Variants in PCDHGA7 observed in about 807,000 individuals in gnomAD.
The protein encoded by PCDHGA7 is protocadherin gamma-A7.
Under a neutral mutation model 58.3 loss-of-function variants are expected in PCDHGA7, and 44 were observed. The observed-to-expected ratio is 0.75, with a 90% CI of 0.59 to 0.97. PCDHGA7 has a LOEUF of 0.97. Among genes scored for constraint, PCDHGA7 ranks in the 50% least tolerant of loss-of-function variants. The pLI, the probability that PCDHGA7 is intolerant of heterozygous loss-of-function variation, is 0.00. For synonymous variants in PCDHGA7, 516 were observed against 504.2 expected (o/e 1.02, Z -0.31); for missense variants, 1,266 against 1,188.7 (o/e 1.06, Z -0.96).
intron 1 of PCDHGA7, chr5:141,403,406 T>A: frequency 6.2e-7 from 1 of 1,614,058 alleles, no homozygotes; most frequent in South Asian, 1.1e-5. Flanking sequence ...TGGAGCACGT[T>A]ATCCACTTCC....
intron 1 of PCDHGA7, chr5:141,394,696 C>A: frequency 6.2e-7 from 1 of 1,613,046 alleles, no homozygotes; most frequent in Non-Finnish European, 8.5e-7. Flanking sequence ...GAGGTGCGCA[C>A]GGCGCGAGCC....
At position 141,476,001 on chromosome 5, in the gene PCDHGA7, C is replaced by G; in HGVS notation, c.2425-18806C>G. The G allele has an allele frequency of 8.1e-7, 1 of 1,235,348 alleles. No homozygotes were observed. Among genetic ancestry groups the G allele is most frequent in the Non-Finnish European group, 1.1e-6 (1 of 894,008 alleles). 76.5% of individuals were successfully genotyped at this position (1,235,348 alleles called of 1,614,324 possible). On this transcript the variant is annotated intron_variant, in intron 1 of 3. Transcript: ENST00000518325. The surrounding 1 kb of genome is among the most constrained non-coding windows in gnomAD (Gnocchi z 7.6). ...CAGCCGGCGAGCAAATCAACGGCATCCAGAAAGCCATGTCGGACTCGGCGC... is the reference window on the plus strand; with the variant it reads ...CAGCCGGCGAGCAAATCAACGGCATGCAGAAAGCCATGTCGGACTCGGCGC...
chr5:141,459,311 T>A (rs1298312167), intron 1 of PCDHGA7, among the ~76,000 whole-genome samples: 1 of 152,250 alleles, frequency 6.6e-6, no homozygotes, highest in Non-Finnish European at 1.5e-5. Flanking sequence ...TATACTATTT[T>A]GTATCCATCT....
At chr5:141,478,904 T>G in intron 1 of PCDHGA7, 1 of 958,800 alleles carries the variant, frequency 1.0e-6, no homozygotes, top group Non-Finnish European at 1.5e-6. Context: ...AGGAATAAGC[T>G]GCTGGATACC....
chr5:141,392,242 G>A (rs1294476832), intron 1 of PCDHGA7: 1 of 152,134 alleles, frequency 6.6e-6, no homozygotes, highest in African/African-American at 2.4e-5. Context: ...TTAGTTATTT[G>A]TTAGTATATA....
At chr5:141,462,217 C>T (rs1469685983) in intron 1 of PCDHGA7, among the ~76,000 whole-genome samples, 1 of 152,216 alleles carries the variant, frequency 6.6e-6, no homozygotes, top group South Asian at 2.1e-4. Flanking sequence ...GCCTCGGCCT[C>T]CCAAAGTGCA....
rs552017054 is a variant in PCDHGA7 at position 141,425,594 on chromosome 5, A to G, written c.2424+40271A>G. On this transcript the variant is annotated intron_variant, in intron 1 of 3. Transcript: ENST00000518325. ...GGGTTTGGCTAACTTTATTCTGAAT[A>G]TGCCCTATATAGCTTTCAGTGCTCC... 2.6e-5 allele frequency among the ~76,000 whole-genome samples: 4 copies of G among 152,370 alleles called. No homozygotes were observed. In the South Asian group the frequency reaches 8.3e-4, roughly 32 times the overall value.
At chr5:141,389,404 C>T in intron 1 of PCDHGA7, 3 of 1,613,616 alleles carry the variant, frequency 1.9e-6, no homozygotes, top group Non-Finnish European at 2.5e-6. Context: ...TCCATAAGCG[C>T]GGAGAGCGGG....
chr5:141,415,067 G>A, intron 1 of PCDHGA7: 1 of 1,613,398 alleles, frequency 6.2e-7, no homozygotes, highest in Non-Finnish European at 8.5e-7. Context: ...GGCGAGGTGC[G>A]CACGGCGCGA....
At chr5:141,394,790 G>T (rs776824024) in intron 1 of PCDHGA7, 1 of 1,613,718 alleles carries the variant, frequency 6.2e-7, no homozygotes, top group Non-Finnish European at 8.5e-7. Context: ...CCACTGTCAC[G>T]CTCACCGTAG....
intron 1 of PCDHGA7, chr5:141,393,352 T>G: frequency 1.2e-6 from 2 of 1,613,956 alleles, no homozygotes; most frequent in African/African-American, 2.7e-5. Context: ...CACTTCTCCC[T>G]GGACGTGCAG....
rs757410882 is a variant in PCDHGA7 at position 141,421,504 on chromosome 5, C to T, written c.2424+36181C>T. 8 of 1,614,062 alleles carry T rather than the reference C, an allele frequency of 5.0e-6. No homozygotes were observed. The highest frequency in any genetic ancestry group is 3.3e-5 in the South Asian group (3 of 91,088). ...CTTGATCACGGCAGGCAGGATAGACCGGGAGGAGCTCTGTGAGACGGTGTC... is the reference window on the plus strand; with the variant it reads ...CTTGATCACGGCAGGCAGGATAGACTGGGAGGAGCTCTGTGAGACGGTGTC... On this transcript the variant is annotated intron_variant, in intron 1 of 3. Transcript: ENST00000518325.
Position 141,431,529 on chromosome 5 carries a change from T to C in PCDHGA7, c.2424+46206T>C, listed in dbSNP as rs145601545. 166 of 1,614,074 alleles carry C rather than the reference T, an allele frequency of 1.0e-4. No individual in the cohort carries two copies. In the African/African-American group the frequency reaches 2.0e-3, roughly 19 times the overall value. On this transcript the variant is annotated intron_variant, in intron 1 of 3. Coordinates refer to ENST00000518325, the MANE Select transcript of PCDHGA7 (RefSeq NM_018920.4). The surrounding 1 kb of genome is among the most constrained non-coding windows in gnomAD (Gnocchi z 4.8). The stretch of plus-strand genomic sequence containing the variant: ...GCGAGCGTTCCGGAGAATCTGGCCT[T>C]GGGCACGCAGCTGCTTGTAGTCAAC...
At position 141,409,702 on chromosome 5, in the gene PCDHGA7, G is replaced by T. The variant is rs545411022; in HGVS notation, c.2424+24379G>T. The T allele has an allele frequency of 1.9e-6, 3 of 1,613,226 alleles. No individual in the cohort carries two copies. The East Asian group carries it at 6.7e-5, about 36-fold the overall frequency. ...TGGCGAGTGACCTAGAGCCCCTGGC[G>T]GTGTCGTCATACGTGTCAGTGAGCG... On this transcript the variant is annotated intron_variant, in intron 1 of 3. Coordinates refer to ENST00000518325, the MANE Select transcript of PCDHGA7 (RefSeq NM_018920.4).
intron 1 of PCDHGA7, among the ~76,000 whole-genome samples, chr5:141,453,076 G>A (rs2098755408): frequency 1.3e-5 from 2 of 151,984 alleles, no homozygotes; most frequent in Admixed American, 6.6e-5. Flanking sequence ...CCACACTCTG[G>A]TTGATTAGTA....
chr5:141,476,929 G>T lies in PCDHGA7; in HGVS notation c.2425-17878G>T, dbSNP rs1375082202. 6.2e-7 allele frequency: 1 copy of T among 1,614,136 alleles called. No homozygotes were observed. Among genetic ancestry groups the T allele is most frequent in the Admixed American group, 1.7e-5 (1 of 60,034 alleles). On this transcript the variant is annotated intron_variant, in intron 1 of 3. Transcript: ENST00000518325. This position sits in a 1 kb window ranked among gnomAD's most constrained non-coding sequence, Gnocchi z 7.6. ...TGGTACAAGTCCTTGCAACGGATCT[G>T]GATGAAGGCCCCAACGGTGAAATTA...
rs1419377760 is a variant in PCDHGA7 at position 141,418,687 on chromosome 5, GATCACTT to G, written c.2424+33367_2424+33373del. ...ACCAGGACGAGGGCATCAACTCAGA[GATCACTT>G]ATTCCTTCTTTGGTGTGGCTGACAA... On this transcript the variant is annotated intron_variant, in intron 1 of 3. Transcript: ENST00000518325. 6 of 1,613,928 alleles carry G rather than the reference GATCACTT, an allele frequency of 3.7e-6. No individual in the cohort carries two copies. In the African/African-American group the frequency reaches 8.0e-5, roughly 22 times the overall value.
chr5:141,456,578 C>G (rs959608396), intron 1 of PCDHGA7, among the ~76,000 whole-genome samples: 10 of 152,182 alleles, frequency 6.6e-5, no homozygotes, highest in African/African-American at 1.7e-4. Flanking sequence ...TTTCCCTGAG[C>G]CTGTCAATAA....
rs964965013 is a variant in PCDHGA7 at position 141,489,097 on chromosome 5, C to G, written c.2425-5710C>G. The G allele has an allele frequency of 6.4e-6, 2 of 313,448 alleles. No homozygotes were observed. The highest frequency in any genetic ancestry group is 1.1e-4 in the South Asian group (2 of 18,596). 19.4% of individuals were successfully genotyped at this position (313,448 alleles called of 1,614,324 possible). The stretch of plus-strand genomic sequence containing the variant: ...ACCCCCGCCACTCGGTGACTAAGAA[C>G]TGCTGCAAGCAGGCAAACCTCCGAG... On this transcript the variant is annotated intron_variant, in intron 1 of 3. Coordinates refer to ENST00000518325, the MANE Select transcript of PCDHGA7 (RefSeq NM_018920.4). This position sits in a 1 kb window ranked among gnomAD's most constrained non-coding sequence, Gnocchi z 4.5.
Sources: allele counts gnomAD v4.1 joint callset (sites outside exome capture counted in the v4.1 genomes callset), GRCh38; gene constraint gnomAD v4.1.1; non-coding constraint Gnocchi (gnomAD v3.1); transcripts MANE v1.5; gene names NCBI Gene and HGNC (gene_info 2026-07-23, HGNC 2026-07-21).